The following CDAN1 variants were observed in gnomAD, a reference collection of about 807,000 sequenced individuals.
CDAN1 encodes codanin 1, also known as codanin-1.
Under a neutral mutation model 139.8 loss-of-function variants are expected in CDAN1, and 107 were observed. The ratio of observed to expected loss-of-function variants is 0.77; its 90% CI spans 0.65 to 0.90. CDAN1 has a LOEUF of 0.90. Ranked by LOEUF, CDAN1 falls within the 40% of genes least tolerant of loss-of-function variation. The pLI is 0.00. For missense variants in CDAN1, 1,667 were observed against 1,575.7 expected, an observed-to-expected ratio of 1.06 and a Z score of -0.98; for synonymous variants, 776 against 660.6, an observed-to-expected ratio of 1.17 and a Z score of -2.68.
intron 20 of CDAN1, among the ~76,000 whole-genome samples, 186 bp from the exon 21 acceptor site, chr15:42,728,453 C>T (rs2061561868): frequency 6.6e-6 from 1 of 151,486 alleles, no homozygotes; most frequent in Admixed American, 6.6e-5. Flanking sequence ...CACAGCATCA[C>T]ACACGCTCCC....
At chr15:42,734,377 C>A in intron 6 of CDAN1, 31 bp from the exon 7 acceptor site, 1 of 1,613,580 alleles carries the variant, frequency 6.2e-7, no homozygotes, top group Non-Finnish European at 8.5e-7. Context: ...ATGACTGAGA[C>A]CAGAACACAG....
chr15:42,735,583 A>G lies in CDAN1; in HGVS notation c.870T>C (p.Pro290=), dbSNP rs1210679591. 3 of 1,614,086 alleles carry G rather than the reference A, an allele frequency of 1.9e-6. No individual in the cohort carries two copies. Among genetic ancestry groups the G allele is most frequent in the Admixed American group, 1.7e-5 (1 of 60,008 alleles). Residue 290 remains proline, a synonymous_variant, in exon 4 of 28, where the codon CCT becomes CCC. Coordinates refer to ENST00000356231, the MANE Select transcript of CDAN1 (RefSeq NM_138477.4). ...GGGAAGACACTCTGGCAGGGTCTGC[A>G]GGTTCATCTGTGAGGCTTCCTGTCC... ...PSRTGSLTDE[P]ADPARVSSRQ...
chr15:42,734,225 C>T lies in CDAN1; in HGVS notation c.1257+1G>A. On this transcript the variant is annotated splice_donor_variant, in intron 7 of 27. Transcript: ENST00000356231. LOFTEE classifies it high-confidence loss of function. ...GTGGGCAACTAAGCTGGGGTTACTACCTTGGCAACACTGCCCTCATAGGCA... is the reference window on the plus strand; with the variant it reads ...GTGGGCAACTAAGCTGGGGTTACTATCTTGGCAACACTGCCCTCATAGGCA... 1 of 1,614,132 alleles carries T rather than the reference C, an allele frequency of 6.2e-7. No individual in the cohort carries two copies. Among genetic ancestry groups the T allele is most frequent in the Non-Finnish European group, 8.5e-7 (1 of 1,180,042 alleles).
intron 23 of CDAN1, 150 bp from the exon 24 acceptor site, chr15:42,726,567 A>G: frequency 1.5e-6 from 1 of 650,020 alleles, no homozygotes; most frequent in Non-Finnish European, 2.8e-6. Flanking sequence ...TAGACCTGGG[A>G]CTTGGGCAGG....
Position 42,729,786 on chromosome 15 carries a change from C to T in CDAN1, c.2352+10G>A, listed in dbSNP as rs1428963758. The stretch of plus-strand genomic sequence containing the variant: ...GTTTCCCATGGCTCTGGCGGAACCC[C>T]AGCACTCACCAAGCCATGCTCTGGG... On this transcript the variant is annotated intron_variant, in intron 16 of 27. Coordinates refer to ENST00000356231, the MANE Select transcript of CDAN1 (RefSeq NM_138477.4). The T allele has an allele frequency of 6.2e-7, 1 of 1,612,134 alleles. No homozygotes were observed.
intron 22 of CDAN1, 87 bp downstream of exon 22, chr15:42,727,868 G>C (rs2061552595): frequency 1.2e-6 from 2 of 1,601,310 alleles, no homozygotes; most frequent in East Asian, 4.5e-5. Context: ...CTGGCTCTCA[G>C]TCCCATCGCC....
intron 11 of CDAN1, 57 bp from the exon 12 acceptor site, chr15:42,731,388 A>T: frequency 6.2e-7 from 1 of 1,609,766 alleles, no homozygotes; most frequent in Non-Finnish European, 8.5e-7. Context: ...GAAAAGCCAG[A>T]ATCGAGAAGG....
At position 42,725,630 on chromosome 15, in the gene CDAN1, G is replaced by T; in HGVS notation, c.3309C>A (p.Tyr1103Ter). ...QIPILGPPAQ[Y>*]RLERGQARRL... ...TTCGAGCCTGCCCTCTCTCCAGCCTGTACTGTGCCGGGGGCCCTAGGATAG... is the reference window on the plus strand; with the variant it reads ...TTCGAGCCTGCCCTCTCTCCAGCCTTTACTGTGCCGGGGGCCCTAGGATAG... Residue 1103 changes from tyrosine (Y) to a stop codon, truncating the protein, a stop_gained, in exon 26 of 28, where the codon TAC becomes TAA. Coordinates refer to ENST00000356231, the MANE Select transcript of CDAN1 (RefSeq NM_138477.4). LOFTEE classifies it high-confidence loss of function. 1 of 1,614,150 alleles carries T rather than the reference G, an allele frequency of 6.2e-7. No homozygotes were observed. Among genetic ancestry groups the T allele is most frequent in the Non-Finnish European group, 8.5e-7 (1 of 1,180,032 alleles).
At position 42,736,421 on chromosome 15, in the gene CDAN1, G is replaced by A; in HGVS notation, c.450C>T (p.Gly150=). ...VSGESLPGAG[G]RRLRGSGSPS... ...GGCTGCCAGAGCCCCTAAGCCTCCG[G>A]CCCCCGGCTCCGGGCAGGCTCTCCC... Residue 150 remains glycine, a synonymous_variant, in exon 2 of 28, where the codon GGC becomes GGT. Transcript: ENST00000356231. The A allele has an allele frequency of 6.2e-7, 1 of 1,604,994 alleles. No individual in the cohort carries two copies. Among genetic ancestry groups the A allele is most frequent in the Non-Finnish European group, 8.5e-7 (1 of 1,175,930 alleles).
In CDAN1 at chr15:42,736,646, G is replaced by C; in HGVS notation, c.225C>G (p.Thr75=). 6.5e-7 allele frequency: 1 copy of C among 1,527,188 alleles called. No individual in the cohort carries two copies. Among genetic ancestry groups the C allele is most frequent in the Non-Finnish European group, 8.8e-7 (1 of 1,137,860 alleles). The allele number at this position is 1,527,188 out of a possible 1,614,324, so 94.6% of individuals were successfully genotyped here. The part of the protein sequence containing the change: ...LPQGPPTPAK[T]PGASAALPGR... ...CTGGCAAGGCTGCCGAGGCGCCCGG[G>C]GTCTTGGCGGGGGTCGGGGGCCCCT... Residue 75 remains threonine, a synonymous_variant, in exon 2 of 28, where the codon ACC becomes ACG. Coordinates refer to ENST00000356231, the MANE Select transcript of CDAN1 (RefSeq NM_138477.4).
At chr15:42,726,449 G>A (rs539031324) in intron 23 of CDAN1, 32 bp from the exon 24 acceptor site, 68 of 1,499,800 alleles carry the variant, frequency 4.5e-5, no homozygotes, top group East Asian at 1.5e-4. Context: ...ATCACCTTGC[G>A]CTGGGGGCCA....
At chr15:42,736,981 A>G (rs1360914284) in intron 1 of CDAN1, 32 bp downstream of exon 1, 6 of 1,533,880 alleles carry the variant, frequency 3.9e-6, no homozygotes. Context: ...ACCGGCTTCG[A>G]GTCAGACCTG....
At chr15:42,734,431 T>G in intron 6 of CDAN1, 85 bp from the exon 7 acceptor site, 1,072 of 1,493,240 alleles carry the variant, frequency 7.2e-4, no homozygotes, top group Non-Finnish European at 9.0e-4. Flanking sequence ...AGAGGATCTC[T>G]AAGGCATGGC....
At position 42,723,848 on chromosome 15, in the gene CDAN1, G is replaced by C. The variant is rs931324102; in HGVS notation, c.*643C>G. On this transcript the variant is annotated 3_prime_UTR_variant, in exon 28 of 28. Coordinates refer to ENST00000356231, the MANE Select transcript of CDAN1 (RefSeq NM_138477.4). ...ATCCTCCTGAGTAGCTGGGATTACA[G>C]GCACACACCACCATGCCCAGCTAAT... 6.4e-6 allele frequency: 1 copy of C among 156,994 alleles called. No homozygotes were observed. Among genetic ancestry groups the C allele is most frequent in the Non-Finnish European group, 1.4e-5 (1 of 71,108 alleles). The allele number at this position is 156,994 out of a possible 1,614,324, so 9.7% of individuals were successfully genotyped here.
At position 42,731,904 on chromosome 15, in the gene CDAN1, G is replaced by C. The variant is rs890453711; in HGVS notation, c.1534-79C>G. ...GGACTGAACAAAAAATAAGGAGAAA[G>C]TAATGAACATTTAAGGAATGCCAAC... is the stretch of plus-strand genomic sequence containing the variant. On this transcript the variant is annotated intron_variant, in intron 10 of 27. Transcript: ENST00000356231. 3.1e-6 allele frequency: 4 copies of C among 1,290,584 alleles called. No homozygotes were observed. In the African/African-American group the frequency reaches 5.8e-5, roughly 19 times the overall value. 79.9% of individuals were successfully genotyped at this position (1,290,584 alleles called of 1,614,324 possible). A position where few individuals can be genotyped will look rare whatever the true frequency, so the allele number is the denominator to read the frequency against.
Position 42,735,699 on chromosome 15 carries a change from C to T in CDAN1, c.774-20G>A, listed in dbSNP as rs549900345. ...TTAGAGCTATGGAATAAAGAAATTT[C>T]ATGAGCAGTCAGCTTGGCTTCCCTG... On this transcript the variant is annotated intron_variant, in intron 3 of 27. Coordinates refer to ENST00000356231, the MANE Select transcript of CDAN1 (RefSeq NM_138477.4). 2 of 1,613,538 alleles carry T rather than the reference C, an allele frequency of 1.2e-6. No homozygotes were observed. Among genetic ancestry groups the T allele is most frequent in the Non-Finnish European group, 1.7e-6 (2 of 1,179,848 alleles).
chr15:42,725,676 G>A lies in CDAN1; in HGVS notation c.3269-6C>T. The stretch of plus-strand genomic sequence containing the variant: ...GATAGGAATTTGATCTGCAACTGTG[G>A]AAAGAGGAAAGCCAAGCTTTAAAAG... On this transcript the variant is annotated splice_polypyrimidine_tract_variant and splice_region_variant and intron_variant, in intron 25 of 27. Coordinates refer to ENST00000356231, the MANE Select transcript of CDAN1 (RefSeq NM_138477.4). 1.2e-6 allele frequency: 2 copies of A among 1,613,952 alleles called. No homozygotes were observed. The highest frequency in any genetic ancestry group is 2.2e-5 in the East Asian group (1 of 44,876).
At chr15:42,728,610 A>G in intron 20 of CDAN1, 42 bp downstream of exon 20, 15 of 1,611,880 alleles carry the variant, frequency 9.3e-6, no homozygotes, top group Non-Finnish European at 1.3e-5. Context: ...AGGACAGAGA[A>G]AGCCAAGAGG....
intron 26 of CDAN1, 95 bp downstream of exon 26, chr15:42,725,394 G>C: frequency 6.5e-7 from 1 of 1,529,048 alleles, no homozygotes; most frequent in Non-Finnish European, 9.1e-7. Flanking sequence ...AACAGGAAGG[G>C]GAAATAAAGG....
Sources: allele counts gnomAD v4.1 joint callset (sites outside exome capture counted in the v4.1 genomes callset), GRCh38; gene constraint gnomAD v4.1.1; transcripts MANE v1.5; gene names NCBI Gene and HGNC (gene_info 2026-07-23, HGNC 2026-07-21).